MOSPD2: variants seen among roughly 807,000 people sequenced by gnomAD.
The protein encoded by MOSPD2 is motile sperm domain-containing protein 2.
In MOSPD2, 5 loss-of-function variants were observed where a neutral mutation model predicts 41.7. That is an observed-to-expected ratio of 0.12 (90% CI 0.06 to 0.25). MOSPD2 has a LOEUF of 0.25. MOSPD2 is among the 10% of genes least tolerant of loss of function. The probability of loss-of-function intolerance (pLI) is 1.00; values close to 1 mark genes in which losing one functional copy is unlikely to be tolerated. For synonymous variants in MOSPD2, 115 were observed against 126.9 expected (o/e 0.91, Z 0.63); for missense variants, 282 against 375.2 (o/e 0.75, Z 2.05).
intron 7 of MOSPD2, among the ~76,000 whole-genome samples, chrX:14,907,766 T>C (rs1222345139): frequency 9.0e-6 from 1 of 111,535 alleles, no homozygotes; most frequent in Non-Finnish European, 1.9e-5. Context: ...CTAGATTAGA[T>C]TGTGGTGGTG....
At chrX:14,880,502 A>G (rs1046876149) in intron 2 of MOSPD2, among the ~76,000 whole-genome samples, 4 of 111,974 alleles carry the variant, frequency 3.6e-5, no homozygotes, top group African/African-American at 1.3e-4. Flanking sequence ...TGGAACTTTT[A>G]TAACACTGTT....
chrX:14,914,747 G>A (rs1467100234), intron 11 of MOSPD2, 148 bp downstream of exon 11: 4 of 387,510 alleles, frequency 1.0e-5, no homozygotes, highest in Non-Finnish European at 1.8e-5. Context: ...ACTACCTTCT[G>A]GTTCTAACCA....
At chrX:14,876,106 G>T (rs1395995860) in intron 2 of MOSPD2, among the ~76,000 whole-genome samples, 2 of 112,151 alleles carry the variant, frequency 1.8e-5, no homozygotes, top group Admixed American at 9.4e-5. Context: ...AGCCTTTGAA[G>T]ACCTTCTTAC....
In MOSPD2 at chrX:14,922,257, A is replaced by T. The variant is rs2092611049; in HGVS notation, c.*2448A>T. Reference sequence around the variant, plus strand: ...TTGTATAAATTGATTGATTAAAAGAACATGTTTTCTATTTTAATATGTTTT... The same window carrying T: ...TTGTATAAATTGATTGATTAAAAGATCATGTTTTCTATTTTAATATGTTTT... On this transcript the variant is annotated 3_prime_UTR_variant, in exon 15 of 15. Coordinates refer to ENST00000380492, the MANE Select transcript of MOSPD2 (RefSeq NM_152581.4). 1 of 111,985 alleles carries T rather than the reference A, an allele frequency of 8.9e-6. No homozygotes were observed. The highest frequency in any genetic ancestry group is 3.2e-5 in the African/African-American group (1 of 30,835). The allele number at this position is 111,985 out of a possible 1,213,427, so 9.2% of individuals were successfully genotyped here. A position where few individuals can be genotyped will look rare whatever the true frequency, so the allele number is the denominator to read the frequency against.
intron 2 of MOSPD2, among the ~76,000 whole-genome samples, chrX:14,880,920 A>G (rs1417520072): frequency 1.8e-5 from 2 of 111,942 alleles, no homozygotes; most frequent in Non-Finnish European, 3.8e-5. Flanking sequence ...TTCTTGTGCA[A>G]TATTGACATC....
intron 2 of MOSPD2, among the ~76,000 whole-genome samples, chrX:14,886,793 G>T (rs968235513): frequency 9.0e-6 from 1 of 111,337 alleles, no homozygotes; most frequent in African/African-American, 3.3e-5. Context: ...GTGGGGCCCA[G>T]TAATTTCAGT....
At position 14,920,402 on chromosome X, in the gene MOSPD2, T is replaced by TG; in HGVS notation, c.*594dup. The TG allele has an allele frequency of 1.3e-6, 1 of 754,462 alleles. No individual in the cohort carries two copies. Among genetic ancestry groups the TG allele is most frequent in the South Asian group, 6.7e-5 (1 of 14,876 alleles). The allele number at this position is 754,462 out of a possible 1,213,427, so 62.2% of individuals were successfully genotyped here. Reference sequence around the variant, plus strand: ...TTTAATGCCAAACCACCTTAACCTTTGTTTCTCAGTGTTCCTTAACAGCCT... The same window carrying TG: ...TTTAATGCCAAACCACCTTAACCTTTGGTTTCTCAGTGTTCCTTAACAGCCT... On this transcript the variant is annotated 3_prime_UTR_variant, in exon 15 of 15. Transcript: ENST00000380492.
chrX:14,913,795 A>G (rs1438011434), intron 10 of MOSPD2, among the ~76,000 whole-genome samples: 1 of 112,145 alleles, frequency 8.9e-6, no homozygotes, highest in Non-Finnish European at 1.9e-5. Context: ...TATTCTTCCC[A>G]TTGTTTTGAG....
chrX:14,885,838 A>C (rs2092540212), intron 2 of MOSPD2, among the ~76,000 whole-genome samples: 1 of 111,775 alleles, frequency 8.9e-6, no homozygotes, highest in Non-Finnish European at 1.9e-5. Flanking sequence ...ATTTGTTAAC[A>C]TTATTTTCTA....
chrX:14,897,924 G>T (rs1198084757), intron 5 of MOSPD2, among the ~76,000 whole-genome samples: 3 of 112,188 alleles, frequency 2.7e-5, no homozygotes, highest in Admixed American at 9.5e-5. Context: ...TCTAACTACT[G>T]TCTCTTATAT....
intron 7 of MOSPD2, among the ~76,000 whole-genome samples, chrX:14,907,168 G>A (rs1039752635): frequency 3.6e-5 from 4 of 112,520 alleles, no homozygotes; most frequent in African/African-American, 9.7e-5. Context: ...AACCAAGTGA[G>A]GTGTGATTTC....
chrX:14,911,036 G>A (rs113438981), intron 8 of MOSPD2, among the ~76,000 whole-genome samples: 1 of 111,210 alleles, frequency 9.0e-6, no homozygotes, highest in African/African-American at 3.3e-5. Context: ...GATCTAAGGT[G>A]ATTCTGTATA....
intron 2 of MOSPD2, among the ~76,000 whole-genome samples, chrX:14,886,094 A>G (rs988380179): frequency 2.7e-5 from 3 of 111,213 alleles, no homozygotes; most frequent in Admixed American, 9.6e-5. Context: ...GACTCCTCTC[A>G]TGCCATCCCC....
intron 7 of MOSPD2, among the ~76,000 whole-genome samples, chrX:14,904,330 G>A (rs971295922): frequency 9.0e-6 from 1 of 111,688 alleles, no homozygotes; most frequent in African/African-American, 3.3e-5. Context: ...ATCAACTAAT[G>A]TAATCTACCA....
chrX:14,879,081 T>G (rs1468454699), intron 2 of MOSPD2, among the ~76,000 whole-genome samples: 2 of 112,619 alleles, frequency 1.8e-5, no homozygotes, highest in East Asian at 5.5e-4. Flanking sequence ...TAAAGCTGAA[T>G]ATATTTTTTC....
At chrX:14,904,384 A>T (rs1484107717) in intron 7 of MOSPD2, among the ~76,000 whole-genome samples, 1 of 111,946 alleles carries the variant, frequency 8.9e-6, no homozygotes, top group Non-Finnish European at 1.9e-5. Flanking sequence ...ATCTCAAGAG[A>T]CACAGAAAAA....
At chrX:14,894,780 C>G (rs1421680683) in intron 3 of MOSPD2, among the ~76,000 whole-genome samples, 1 of 110,809 alleles carries the variant, frequency 9.0e-6, no homozygotes, top group Non-Finnish European at 1.9e-5. Flanking sequence ...TTCCACTTTC[C>G]TAAAGGTTTT....
Position 14,910,707 on chromosome X carries a change from G to A in MOSPD2, c.703-530G>A, listed in dbSNP as rs1255390069. ...TTGTGCCCATTTACCAATAATGTGTGAGAATTCTTGAACCACCTCCTTGCC... is the reference window on the plus strand; with the variant it reads ...TTGTGCCCATTTACCAATAATGTGTAAGAATTCTTGAACCACCTCCTTGCC... On this transcript the variant is annotated intron_variant, in intron 8 of 14. Coordinates refer to ENST00000380492, the MANE Select transcript of MOSPD2 (RefSeq NM_152581.4). Among the ~76,000 whole-genome samples the A allele has an allele frequency of 2.7e-5, 3 of 111,591 alleles. No individual in the cohort carries two copies. In the Admixed American group the frequency reaches 2.9e-4, roughly 11 times the overall value.
chrX:14,890,121 G>A, intron 2 of MOSPD2, among the ~76,000 whole-genome samples: 1 of 111,135 alleles, frequency 9.0e-6, no homozygotes, highest in African/African-American at 3.3e-5. Flanking sequence ...GCAATGATGT[G>A]TAATCAGTAC....
Sources: allele counts gnomAD v4.1 joint callset (sites outside exome capture counted in the v4.1 genomes callset), GRCh38; gene constraint gnomAD v4.1.1; transcripts MANE v1.5; gene names NCBI Gene and HGNC (gene_info 2026-07-23, HGNC 2026-07-21).